OR9Q1: variants seen among roughly 807,000 people sequenced by gnomAD.
OR9Q1 encodes olfactory receptor 9Q1.
For missense variants in OR9Q1, 374 were observed against 378.8 expected, an observed-to-expected ratio of 0.99 and a Z score of 0.11; for synonymous variants, 153 against 148.6, an observed-to-expected ratio of 1.03 and a Z score of -0.22.
intron 2 of OR9Q1, among the ~76,000 whole-genome samples, chr11:58,124,247 G>A (rs529691512): frequency 6.6e-6 from 1 of 152,188 alleles, no homozygotes; most frequent in South Asian, 2.1e-4. Flanking sequence ...GGAAAGCAAC[G>A]GTTTATGGCC....
At chr11:58,106,748 C>T (rs1853844268) in intron 2 of OR9Q1, among the ~76,000 whole-genome samples, 1 of 152,146 alleles carries the variant, frequency 6.6e-6, no homozygotes, top group African/African-American at 2.4e-5. Context: ...ATCGAAGAGA[C>T]TGTCTTTTCC....
chr11:58,129,987 T>C (rs1854125595), intron 2 of OR9Q1, among the ~76,000 whole-genome samples: 1 of 152,198 alleles, frequency 6.6e-6, no homozygotes. Flanking sequence ...TACATAGGTA[T>C]ACCTGTGCCA....
intron 2 of OR9Q1, among the ~76,000 whole-genome samples, chr11:58,089,753 A>G (rs1172074390): frequency 2.6e-5 from 4 of 151,824 alleles, no homozygotes; most frequent in Admixed American, 2.6e-4. Flanking sequence ...CAGTATGACT[A>G]TTGTTGTGAT....
chr11:58,154,908 G>T (rs1565092215), intron 2 of OR9Q1, among the ~76,000 whole-genome samples: 1 of 152,172 alleles, frequency 6.6e-6, no homozygotes, highest in Non-Finnish European at 1.5e-5. Flanking sequence ...TTAGGTGCTT[G>T]CTTCTCATTG....
chr11:58,080,608 A>G lies in OR9Q1; in HGVS notation c.-15+24661A>G, dbSNP rs528589175. ...GCTGAACTAATTTACATTTCCACCA[A>G]CGCATATAAGCATTCCCTTTTTCCA... On this transcript the variant is annotated intron_variant, in intron 2 of 2. Transcript: ENST00000335397. Among the ~76,000 whole-genome samples the G allele has an allele frequency of 3.9e-5, 6 of 152,244 alleles. No individual in the cohort carries two copies. In the South Asian group the frequency reaches 1.2e-3, roughly 32 times the overall value.
chr11:58,095,194 C>A (rs1853718565), intron 2 of OR9Q1, among the ~76,000 whole-genome samples: 1 of 152,214 alleles, frequency 6.6e-6, no homozygotes, highest in South Asian at 2.1e-4. Flanking sequence ...TTGTTTTCTG[C>A]ACATTTTTCA....
At chr11:58,055,536 C>T (rs1403763902) in intron 1 of OR9Q1, among the ~76,000 whole-genome samples, 1 of 152,050 alleles carries the variant, frequency 6.6e-6, no homozygotes, top group African/African-American at 2.4e-5. Flanking sequence ...TGGTGGCTTA[C>T]GTCTGTAATC....
intron 1 of OR9Q1, among the ~76,000 whole-genome samples, chr11:58,040,541 T>G (rs1853151741): frequency 6.6e-6 from 1 of 152,262 alleles, no homozygotes; most frequent in Non-Finnish European, 1.5e-5. Flanking sequence ...TATGAGGTGC[T>G]GGCTGGGTGC....
At position 58,119,152 on chromosome 11, in the gene OR9Q1, G is replaced by A. The variant is rs147846129; in HGVS notation, c.-14-60279G>A. 2.5e-5 allele frequency: 40 copies of A among 1,613,912 alleles called. No individual in the cohort carries two copies. The African/African-American group carries it at 4.5e-4, about 18-fold the overall frequency. On this transcript the variant is annotated intron_variant, in intron 2 of 2. Coordinates refer to ENST00000335397, the MANE Select transcript of OR9Q1 (RefSeq NM_001005212.4). ...GATGGTGAATAAAAAGAACTGGGCAGCACAGTGGCCGTAGGAGATGACCGT... is the reference window on the plus strand; with the variant it reads ...GATGGTGAATAAAAAGAACTGGGCAACACAGTGGCCGTAGGAGATGACCGT...
intron 2 of OR9Q1, among the ~76,000 whole-genome samples, chr11:58,087,975 C>T (rs978986495): frequency 1.3e-5 from 2 of 151,498 alleles, no homozygotes; most frequent in Non-Finnish European, 2.9e-5. Context: ...GCAACCTCTG[C>T]CTCCTGGGTT....
chr11:58,134,092 A>C (rs975917314), intron 2 of OR9Q1, among the ~76,000 whole-genome samples: 1 of 152,180 alleles, frequency 6.6e-6, no homozygotes, highest in African/African-American at 2.4e-5. Context: ...AGCTCTAAGG[A>C]GGTTAGGGAT....
intron 2 of OR9Q1, among the ~76,000 whole-genome samples, chr11:58,074,397 T>C (rs1853518545): frequency 6.6e-6 from 1 of 152,230 alleles, no homozygotes; most frequent in Non-Finnish European, 1.5e-5. Flanking sequence ...GTTGGCCACA[T>C]AAATATCTTC....
intron 2 of OR9Q1, among the ~76,000 whole-genome samples, chr11:58,096,620 C>T (rs1453812318): frequency 6.7e-6 from 1 of 149,464 alleles, no homozygotes; most frequent in Non-Finnish European, 1.5e-5. Context: ...TTAAGTGATC[C>T]TCTCACCTCA....
chr11:58,103,930 T>C (rs1853815101), intron 2 of OR9Q1, among the ~76,000 whole-genome samples: 1 of 152,150 alleles, frequency 6.6e-6, no homozygotes, highest in South Asian at 2.1e-4. Context: ...GAGGTGTGGC[T>C]TTGCTGGGGG....
chr11:58,162,534 G>A (rs537570923), intron 2 of OR9Q1, among the ~76,000 whole-genome samples: 76 of 152,276 alleles, frequency 5.0e-4, no homozygotes, highest in African/African-American at 1.8e-3. Flanking sequence ...AGGGCACTAA[G>A]GGAAGGGTGA....
At chr11:58,125,234 CCA>C (rs549815111) in intron 2 of OR9Q1, 3 of 53,950 alleles carry the variant, frequency 5.6e-5, no homozygotes, top group East Asian at 9.6e-4. Context: ...CCCCCCTTAC[CCA>C]CCGCCCCCCC....
intron 1 of OR9Q1, among the ~76,000 whole-genome samples, chr11:58,038,346 G>C (rs1422502213): frequency 6.6e-6 from 1 of 152,180 alleles, no homozygotes; most frequent in Non-Finnish European, 1.5e-5. Flanking sequence ...TCATGTTGTA[G>C]GAAATGCACA....
intron 1 of OR9Q1, among the ~76,000 whole-genome samples, chr11:58,034,172 G>A (rs1391431146): frequency 7.2e-6 from 1 of 138,736 alleles, no homozygotes; most frequent in Admixed American, 7.9e-5. Flanking sequence ...TGCAAGCTCC[G>A]CCTCCCAGGT....
chr11:58,177,675 A>G (rs1854618659), intron 2 of OR9Q1, among the ~76,000 whole-genome samples: 1 of 152,232 alleles, frequency 6.6e-6, no homozygotes, highest in South Asian at 2.1e-4. Context: ...CTGTTGATCA[A>G]TTTTAGTGAG....
Sources: gnomAD v4.1 joint callset for allele counts (sites outside exome capture counted in the v4.1 genomes callset) on GRCh38, gnomAD v4.1.1 for gene constraint, MANE v1.5 for transcripts, NCBI Gene and HGNC (gene_info 2026-07-23, HGNC 2026-07-21) for gene names.